REC8: variants seen among roughly 807,000 people sequenced by gnomAD.
REC8 encodes the protein meiotic recombination protein REC8 homolog.
A neutral mutation model predicts 78.3 loss-of-function variants in REC8; 42 were observed. The ratio of observed to expected loss-of-function variants is 0.54; its 90% CI spans 0.42 to 0.69. The LOEUF (loss-of-function observed/expected upper bound fraction) is 0.69, where lower values mean the gene tolerates loss of function less well. Ranked by LOEUF, REC8 falls within the 30% of genes least tolerant of loss-of-function variation. The pLI, the probability that REC8 is intolerant of heterozygous loss-of-function variation, is 0.00. For synonymous variants in REC8, 268 were observed against 274.1 expected, an observed-to-expected ratio of 0.98 and a Z score of 0.22; for missense variants, 581 against 715.8, an observed-to-expected ratio of 0.81 and a Z score of 2.15.
chr14:24,177,424 T>TG, intron 9 of REC8, 41 bp downstream of exon 9: 1 of 1,614,100 alleles, frequency 6.2e-7, no homozygotes. Context: ...GTGTCAGTGC[T>TG]GGGAAGGGTC....
chr14:24,178,776 G>A lies in REC8; in HGVS notation c.1064-1G>A, dbSNP rs1275573496. On this transcript the variant is annotated splice_acceptor_variant, in intron 13 of 18. Transcript: ENST00000611366. LOFTEE classifies it high-confidence loss of function. ...CGTGCCTACTACCCTCTTGTCCACA[G>A]CTGGCTGGCTACCCCCTGAACTACT... The A allele has an allele frequency of 6.2e-7, 1 of 1,607,658 alleles. No homozygotes were observed. The highest frequency in any genetic ancestry group is 8.5e-7 in the Non-Finnish European group (1 of 1,175,260).
chr14:24,174,548 G>A (rs1347891158), intron 5 of REC8, among the ~76,000 whole-genome samples: 2 of 152,140 alleles, frequency 1.3e-5, no homozygotes, highest in African/African-American at 4.8e-5. Flanking sequence ...AAAGTGCTGG[G>A]ATTACAGGTG....
At chr14:24,180,294 G>C (rs1387378533), downstream of REC8, 1 of 1,519,078 alleles carries the variant, frequency 6.6e-7, no homozygotes, top group South Asian at 1.2e-5. Flanking sequence ...TCCAGCCTCA[G>C]GGACAGCCCT....
Position 24,178,097 on chromosome 14 carries a change from C to A in REC8, c.871C>A (p.Pro291Thr). 3 of 1,612,368 alleles carry A rather than the reference C, an allele frequency of 1.9e-6. No homozygotes were observed. The South Asian group carries it at 3.3e-5, about 18-fold the overall frequency. Residue 291 changes from proline to threonine, a missense_variant, in exon 12 of 19, where the codon CCC becomes ACC. Pro to Thr is a conservative substitution (Grantham distance 38, BLOSUM62 -1). Transcript: ENST00000611366. ...LPAPPSPERR[P>T]PVPPPPRRRR... ...TGCCCTCCCCACTCAACAGAGGAGGCCCCCAGTCCCCCCACCTCCTCGCCG... is the reference window on the plus strand; with the variant it reads ...TGCCCTCCCCACTCAACAGAGGAGGACCCCAGTCCCCCCACCTCCTCGCCG...
Position 24,177,496 on chromosome 14 carries a change from G to C in REC8, c.769G>C (p.Glu257Gln), listed in dbSNP as rs2138789396. The change falls in exon 10 of 19, where the codon GAG becomes CAG. Residue 257 changes from glutamate to glutamine, a missense_variant. By Grantham distance (29) the Glu-to-Gln change is conservative (BLOSUM62 2). Transcript: ENST00000611366. ...AGGAATAGGAGAGGCACTGGGTCCT[G>C]AGGAGCTGAGGCTGACAGGCTGGGA... ...VEGIGEALGPEELRLTGWEPG... is the reference protein window; with the variant it reads ...VEGIGEALGPQELRLTGWEPG... 1 of 1,614,080 alleles carries C rather than the reference G, an allele frequency of 6.2e-7. No homozygotes were observed. The highest frequency in any genetic ancestry group is 2.2e-5 in the East Asian group (1 of 44,882).
In REC8 at chr14:24,178,629, G is replaced by A. The variant is rs1242027089; in HGVS notation, c.1020G>A (p.Arg340=). 1 of 1,614,036 alleles carries A rather than the reference G, an allele frequency of 6.2e-7. No homozygotes were observed. The highest frequency in any genetic ancestry group is 8.5e-7 in the Non-Finnish European group (1 of 1,179,980). Residue 340 remains arginine (R), a synonymous_variant, in exon 13 of 19, where the codon AGG becomes AGA. Transcript: ENST00000611366. ...WECPMVQPPE[R]TIRGPAELFR... is the part of the protein sequence containing the mutation. ...AGCCTATGGTGCAGCCGCCCGAGAG[G>A]ACCATCAGAGGCCCTGCGGAGTTGT... is the stretch of plus-strand genomic sequence containing the variant.
At position 24,173,339 on chromosome 14, in the gene REC8, A is replaced by T; in HGVS notation, c.390A>T (p.Glu130Asp). The change falls in exon 5 of 19, where the codon GAA (glutamate) becomes GAT (aspartate). Residue 130 changes from glutamate to aspartate, a missense_variant. Glu to Asp is a conservative substitution (Grantham distance 45). Coordinates refer to ENST00000611366, the MANE Select transcript of REC8 (RefSeq NM_001048205.2). ...ACCTGGCCATGATGGAGACCCTAGA[A>T]GATGCTCCAGATCCCTTTTTTGGGA... ...PNHLAMMETL[E>D]DAPDPFFGMM... is the part of the protein sequence containing the mutation. 1.2e-6 allele frequency: 2 copies of T among 1,614,180 alleles called. No individual in the cohort carries two copies. Among genetic ancestry groups the T allele is most frequent in the Non-Finnish European group, 1.7e-6 (2 of 1,180,018 alleles).
chr14:24,180,839 GAA>G (rs954728436), downstream of REC8: 25 of 1,243,660 alleles, frequency 2.0e-5, no homozygotes, highest in Admixed American at 6.3e-5. Context: ...AGGAGTGGCA[GAA>G]TCTCTTATCA....
In REC8 at chr14:24,177,689, C is replaced by T. The variant is rs373869589; in HGVS notation, c.815-20C>T. ...GGGGTAAGGGGCTTATGGGACAGAGCCCCTTGGGTGTTGTTGCAGAGGTGA... is the reference window on the plus strand; with the variant it reads ...GGGGTAAGGGGCTTATGGGACAGAGTCCCTTGGGTGTTGTTGCAGAGGTGA... On this transcript the variant is annotated intron_variant, in intron 10 of 18. Coordinates refer to ENST00000611366, the MANE Select transcript of REC8 (RefSeq NM_001048205.2). 1.0e-4 allele frequency: 167 copies of T among 1,606,376 alleles called. No individual in the cohort carries two copies. Among genetic ancestry groups the T allele is most frequent in the Admixed American group, 1.5e-4 (9 of 58,204 alleles).
chr14:24,179,049 T>G (rs1453829439), intron 14 of REC8, 36 bp from the exon 15 acceptor site: 3 of 1,607,094 alleles, frequency 1.9e-6, no homozygotes, highest in Non-Finnish European at 2.6e-6. Flanking sequence ...AAGTCCCAGA[T>G]GCTTGGGGTC....
In REC8 at chr14:24,179,662, C is replaced by T. The variant is rs753070309; in HGVS notation, c.1387C>T (p.Pro463Ser). The T allele has an allele frequency of 6.8e-5, 109 of 1,614,104 alleles. No homozygotes were observed. Among genetic ancestry groups the T allele is most frequent in the Non-Finnish European group, 9.2e-5 (108 of 1,180,048 alleles). The change falls in exon 17 of 19, where the codon CCC becomes TCC. Residue 463 changes from proline to serine, a missense_variant. Pro to Ser is a moderately conservative substitution (Grantham distance 74, BLOSUM62 -1). Coordinates refer to ENST00000611366, the MANE Select transcript of REC8 (RefSeq NM_001048205.2). ...CGTGGTGCCTGAACTCCCTGAGGTG[C>T]CCATGGAGATGCCTTTGGTGCTGCC... ...LPVVPELPEVPMEMPLVLPPE... is the reference protein window; with the variant it reads ...LPVVPELPEVSMEMPLVLPPE...
rs2038700142 is a variant in REC8, at chr14:24,172,229, C to T, written c.-324C>T. ...TCGGGACCTGCTCTGGATTCCGGCC[C>T]GGACGTCCCCTTGGAGCTCTGCATC... is the stretch of plus-strand genomic sequence containing the variant. On this transcript the variant is annotated 5_prime_UTR_variant, in exon 1 of 19. Coordinates refer to ENST00000611366, the MANE Select transcript of REC8 (RefSeq NM_001048205.2). 6 of 383,176 alleles carry T rather than the reference C, an allele frequency of 1.6e-5. No homozygotes were observed. The highest frequency in any genetic ancestry group is 2.4e-5 in the Non-Finnish European group (5 of 210,512). The allele number at this position is 383,176 out of a possible 1,614,324, so 23.7% of individuals were successfully genotyped here. A position where few individuals can be genotyped will look rare whatever the true frequency, so the allele number is the denominator to read the frequency against.
In REC8 at chr14:24,173,761, C is replaced by T. The variant is rs534412182; in HGVS notation, c.462+350C>T. On this transcript the variant is annotated intron_variant, in intron 5 of 18. Transcript: ENST00000611366. ...CCAATACTCCTACAGCTTAATGTCA[C>T]CCCCTTCCTTGGTTCCCCATTTGAA... Among the ~76,000 whole-genome samples the T allele has an allele frequency of 4.2e-4, 63 of 151,724 alleles. No homozygotes were observed. The Middle Eastern group carries it at 0.02, about 49-fold the overall frequency.
At chr14:24,179,212 C>A in intron 15 of REC8, 79 bp downstream of exon 15, 1 of 1,349,048 alleles carries the variant, frequency 7.4e-7, no homozygotes. Context: ...ACTGCTGAAG[C>A]TGTTTTATGA....
chr14:24,179,689 C>A lies in REC8; in HGVS notation c.1414C>A (p.Pro472Thr). 1.9e-6 allele frequency: 3 copies of A among 1,614,242 alleles called. No individual in the cohort carries two copies. The highest frequency in any genetic ancestry group is 2.5e-6 in the Non-Finnish European group (3 of 1,180,056). ...VPMEMPLVLP[P>T]ELELLSLEAV... is the part of the protein sequence containing the mutation. Reference sequence around the variant, plus strand: ...CATGGAGATGCCTTTGGTGCTGCCCCCAGAGCTCGAGCTGCTCTCACTGGA... The same window carrying A: ...CATGGAGATGCCTTTGGTGCTGCCCACAGAGCTCGAGCTGCTCTCACTGGA... The change falls in exon 17 of 19, where the codon CCA becomes ACA. Residue 472 changes from proline to threonine, a missense_variant. Pro to Thr is a conservative substitution (Grantham distance 38, BLOSUM62 -1). Coordinates refer to ENST00000611366, the MANE Select transcript of REC8 (RefSeq NM_001048205.2).
chr14:24,173,847 C>A lies in REC8; in HGVS notation c.462+436C>A, dbSNP rs980649762. ...GGGGCTCTCCATGCCCCATTTATTT[C>A]TTTTTTTATTTTATTACTATTATTA... is the stretch of plus-strand genomic sequence containing the variant. On this transcript the variant is annotated intron_variant, in intron 5 of 18. Transcript: ENST00000611366. 3.3e-5 allele frequency among the ~76,000 whole-genome samples: 5 copies of A among 152,004 alleles called. No homozygotes were observed. In the East Asian group the frequency reaches 9.6e-4, roughly 29 times the overall value.
chr14:24,172,629 C>A (rs17101730), intron 1 of REC8, 21 bp downstream of exon 1: 50 of 1,612,572 alleles, frequency 3.1e-5, no homozygotes, highest in Non-Finnish European at 4.1e-5. Flanking sequence ...GGCCCGTTGG[C>A]GCGCGATGGC....
At chr14:24,174,701 C>T (rs998962911) in intron 5 of REC8, among the ~76,000 whole-genome samples, 6 of 152,178 alleles carry the variant, frequency 3.9e-5, no homozygotes, top group African/African-American at 1.4e-4. Context: ...TTTGCTTGTA[C>T]TGTTTCCCTA....
downstream of REC8, chr14:24,180,367 A>G (rs2039107348): frequency 6.5e-7 from 1 of 1,546,454 alleles, no homozygotes; most frequent in Admixed American, 2.0e-5. Flanking sequence ...GGTAAGGCAG[A>G]ACTGAACTGG....
Sources: gnomAD v4.1 joint callset for allele counts (sites outside exome capture counted in the v4.1 genomes callset) on GRCh38, gnomAD v4.1.1 for gene constraint, MANE v1.5 for transcripts, NCBI Gene and HGNC (gene_info 2026-07-23, HGNC 2026-07-21) for gene names.